Variants in RASA2 observed in about 807,000 individuals in gnomAD.
RASA2 encodes RAS p21 protein activator 2.
In RASA2, 155 loss-of-function variants were observed where a neutral mutation model predicts 118.2. The observed-to-expected ratio is 1.31, with a 90% confidence interval of 1.15 to 1.50. RASA2 has a LOEUF of 1.50. RASA2 is among the 40% of genes most tolerant of loss of function. The probability of loss-of-function intolerance (pLI) is 0.00; values close to 1 mark genes in which losing one functional copy is unlikely to be tolerated. For missense variants in RASA2, 1,016 were observed against 1,009.6 expected (o/e 1.01, Z -0.09); for synonymous variants, 353 against 349.1 (o/e 1.01, Z -0.12).
chr3:141,580,085 A>AAAATATATATATAT (rs1553797703), intron 15 of RASA2, among the ~76,000 whole-genome samples: 6 of 59,590 alleles, frequency 1.0e-4, no homozygotes, highest in African/African-American at 2.7e-4. Flanking sequence ...AAAAAAAAAA[A>AAAATATATATATAT]ATATATATAT....
intron 3 of RASA2, among the ~76,000 whole-genome samples, chr3:141,521,848 A>G (rs1014019989): frequency 1.3e-5 from 2 of 151,172 alleles, no homozygotes; most frequent in African/African-American, 4.8e-5. Flanking sequence ...TACATTTTTA[A>G]CATTTTTCTA....
intron 3 of RASA2, among the ~76,000 whole-genome samples, chr3:141,523,657 A>G (rs931867947): frequency 6.6e-5 from 10 of 152,186 alleles, no homozygotes; most frequent in Admixed American, 1.3e-4. Context: ...TTGTTATTCA[A>G]GAGCTCAAAC....
chr3:141,487,101 T>C lies in RASA2; in HGVS notation c.18T>C (p.Pro6=). The change falls in exon 1 of 24, where the codon CCT becomes CCC. Residue 6 remains proline, a synonymous_variant. Transcript: ENST00000286364. MAAAA[P]AAAAASSEAP... Reference sequence around the variant, plus strand: ...GCGGCACCATGGCGGCGGCGGCGCCTGCTGCTGCGGCGGCTTCTTCCGAGG... The same window carrying C: ...GCGGCACCATGGCGGCGGCGGCGCCCGCTGCTGCGGCGGCTTCTTCCGAGG... The C allele has an allele frequency of 7.2e-7, 1 of 1,393,062 alleles. No individual in the cohort carries two copies. The highest frequency in any genetic ancestry group is 9.4e-7 in the Non-Finnish European group (1 of 1,060,046). The allele number at this position is 1,393,062 out of a possible 1,614,324, so 86.3% of individuals were successfully genotyped here. A position where few individuals can be genotyped will look rare whatever the true frequency, so the allele number is the denominator to read the frequency against.
intron 1 of RASA2, among the ~76,000 whole-genome samples, chr3:141,500,899 A>G (rs1043335421): frequency 2.0e-5 from 3 of 152,100 alleles, no homozygotes; most frequent in African/African-American, 4.8e-5. Flanking sequence ...TTTTAGAGCT[A>G]TAGAGAACCT....
At chr3:141,517,570 GC>G (rs1457060665) in intron 3 of RASA2, among the ~76,000 whole-genome samples, 6 of 152,130 alleles carry the variant, frequency 3.9e-5, no homozygotes, top group Admixed American at 1.3e-4. Flanking sequence ...CTTATGCCAG[GC>G]CCCTCCTCCA....
intron 5 of RASA2, among the ~76,000 whole-genome samples, chr3:141,552,744 A>C (rs1484044539): frequency 1.3e-5 from 2 of 152,096 alleles, no homozygotes; most frequent in Non-Finnish European, 2.9e-5. Flanking sequence ...AATGAGTCGT[A>C]TTATCATTTC....
Position 141,489,018 on chromosome 3 carries a change from C to G in RASA2, c.133+1802C>G, listed in dbSNP as rs1267623138. ...ACTAAGAACAGTTTTGTAAGTGAAA[C>G]TTGGGTCTACACGTTAAAAAAAAGA... On this transcript the variant is annotated intron_variant, in intron 1 of 23. Coordinates refer to ENST00000286364, the MANE Select transcript of RASA2 (RefSeq NM_006506.5). 2.0e-5 allele frequency among the ~76,000 whole-genome samples: 3 copies of G among 152,052 alleles called. No individual in the cohort carries two copies. The South Asian group carries it at 6.2e-4, about 32-fold the overall frequency.
chr3:141,512,371 G>A, intron 2 of RASA2, 91 bp downstream of exon 2: 2 of 885,962 alleles, frequency 2.3e-6, no homozygotes, highest in Non-Finnish European at 3.4e-6. Flanking sequence ...AAGAAGACAA[G>A]ACAGAAACAG....
chr3:141,582,228 G>A (rs1318361516), intron 17 of RASA2, among the ~76,000 whole-genome samples: 1 of 152,176 alleles, frequency 6.6e-6, no homozygotes, highest in Non-Finnish European at 1.5e-5. Flanking sequence ...GACTTAGTAA[G>A]TGAAAAATGA....
At chr3:141,529,536 C>G (rs945862984) in intron 3 of RASA2, among the ~76,000 whole-genome samples, 172 bp from the exon 4 acceptor site, 2 of 152,094 alleles carry the variant, frequency 1.3e-5, no homozygotes, top group African/African-American at 2.4e-5. Flanking sequence ...AAATGAGACA[C>G]TTTTTCATTC....
intron 4 of RASA2, among the ~76,000 whole-genome samples, chr3:141,531,022 T>A (rs9808953): frequency 0.25 from 38,295 of 151,986 alleles, 5,425 homozygotes; most frequent in Non-Finnish European, 0.32. Context: ...TTGTGAGAAT[T>A]AAGTGAAATA....
intron 9 of RASA2, among the ~76,000 whole-genome samples, chr3:141,564,016 T>C (rs971736639): frequency 2.0e-5 from 3 of 151,822 alleles, no homozygotes; most frequent in Non-Finnish European, 2.9e-5. Flanking sequence ...ATTTTGTCTA[T>C]GGGGATTTCT....
At chr3:141,543,326 C>A (rs1270396686) in intron 5 of RASA2, among the ~76,000 whole-genome samples, 1 of 151,890 alleles carries the variant, frequency 6.6e-6, no homozygotes, top group Non-Finnish European at 1.5e-5. Flanking sequence ...TCTTTAAATC[C>A]CTTTACCCTC....
At chr3:141,497,047 C>T (rs956475388) in intron 1 of RASA2, among the ~76,000 whole-genome samples, 5 of 151,790 alleles carry the variant, frequency 3.3e-5, no homozygotes, top group Non-Finnish European at 7.4e-5. Context: ...CCATCATTCT[C>T]AGCAAACTAT....
chr3:141,551,442 C>T (rs1437918602), intron 5 of RASA2, among the ~76,000 whole-genome samples: 1 of 152,162 alleles, frequency 6.6e-6, no homozygotes, highest in African/African-American at 2.4e-5. Context: ...ATGATTTCCT[C>T]ATATATACAC....
At chr3:141,487,892 T>C (rs1308665477) in intron 1 of RASA2, among the ~76,000 whole-genome samples, 1 of 152,142 alleles carries the variant, frequency 6.6e-6, no homozygotes, top group African/African-American at 2.4e-5. Context: ...CGGCCGGGAC[T>C]TGAATCGAGG....
At position 141,512,261 on chromosome 3, in the gene RASA2, G is replaced by C; in HGVS notation, c.232G>C (p.Val78Leu). 1.3e-6 allele frequency: 2 copies of C among 1,585,010 alleles called. No homozygotes were observed. The highest frequency in any genetic ancestry group is 8.5e-7 in the Non-Finnish European group (1 of 1,170,230). The change falls in exon 2 of 24, where the codon GTT becomes CTT. Residue 78 changes from valine to leucine, a missense_variant. Transcript: ENST00000286364. ...CCAGGAAGAAGTTTATCGTACCCAA[G>C]TTGTGGAAAAATCTTTAAGGTTGGT... ...LDQEEVYRTQ[V>L]VEKSLSPFFS...
chr3:141,539,781 T>A (rs2082381255), intron 4 of RASA2, among the ~76,000 whole-genome samples: 1 of 152,224 alleles, frequency 6.6e-6, no homozygotes, highest in Non-Finnish European at 1.5e-5. Context: ...TAAGCCTTTA[T>A]TTCTTGAGAA....
At chr3:141,504,037 C>T (rs973983429) in intron 1 of RASA2, among the ~76,000 whole-genome samples, 26 of 152,266 alleles carry the variant, frequency 1.7e-4, no homozygotes, top group African/African-American at 5.1e-4. Context: ...TATATACACA[C>T]GCATTGATAC....
Sources: gnomAD v4.1 joint callset for allele counts (sites outside exome capture counted in the v4.1 genomes callset) on GRCh38, gnomAD v4.1.1 for gene constraint, MANE v1.5 for transcripts, NCBI Gene and HGNC (gene_info 2026-07-23, HGNC 2026-07-21) for gene names.